VWF: variants seen among roughly 807,000 people sequenced by gnomAD.
VWF encodes von Willebrand factor.
VWF carries 176 observed loss-of-function variants against 308.6 expected under a neutral mutation model. The ratio of observed to expected loss-of-function variants is 0.57; its 90% CI spans 0.50 to 0.65. The LOEUF is 0.65. Among genes scored for constraint, VWF ranks in the 30% least tolerant of loss-of-function variants. The pLI, the probability that VWF is intolerant of heterozygous loss-of-function variation, is 0.00. For synonymous variants in VWF, 1,385 were observed against 1,443.4 expected, an observed-to-expected ratio of 0.96 and a Z score of 0.92; for missense variants, 3,146 against 3,648.2, an observed-to-expected ratio of 0.86 and a Z score of 3.55.
At chr12:6,047,642 C>A (rs1314245286) in intron 16 of VWF, among the ~76,000 whole-genome samples, 3 of 152,238 alleles carry the variant, frequency 2.0e-5, no homozygotes, top group Non-Finnish European at 4.4e-5. Flanking sequence ...TAACTGACTG[C>A]ATATTTTTAT....
At chr12:5,984,956 A>T in intron 40 of VWF, 89 bp downstream of exon 40, 1 of 1,397,632 alleles carries the variant, frequency 7.2e-7, no homozygotes, top group Non-Finnish European at 1.0e-6. Context: ...CCTGTGCCTG[A>T]GAACAGAGAC....
chr12:6,113,020 C>CCAG (rs1355755433), intron 3 of VWF, among the ~76,000 whole-genome samples: 1 of 152,086 alleles, frequency 6.6e-6, no homozygotes, highest in Non-Finnish European at 1.5e-5. Context: ...TAATGATATG[C>CCAG]CAGCAGCAGC....
At chr12:5,949,570 T>A (rs933408) in intron 51 of VWF, among the ~76,000 whole-genome samples, 5 of 152,202 alleles carry the variant, frequency 3.3e-5, no homozygotes, top group Middle Eastern at 3.4e-3. Flanking sequence ...CTGTAAAGGA[T>A]TTGCTGAGTC....
At chr12:5,986,682 A>T (rs1943683831) in intron 38 of VWF, among the ~76,000 whole-genome samples, 1 of 152,110 alleles carries the variant, frequency 6.6e-6, no homozygotes, top group South Asian at 2.1e-4. Flanking sequence ...TCACTCAATA[A>T]ATGATAGCAG....
chr12:6,082,745 T>G (rs901094706), intron 6 of VWF, among the ~76,000 whole-genome samples: 2 of 152,386 alleles, frequency 1.3e-5, no homozygotes, highest in Middle Eastern at 3.4e-3. Context: ...AGAGTCTCTC[T>G]GAGCCTGTTC....
Position 5,951,763 on chromosome 12 carries a change from G to C in VWF, c.8155+81C>G. 2.0e-6 allele frequency: 3 copies of C among 1,472,084 alleles called. No individual in the cohort carries two copies. In the South Asian group the frequency reaches 3.4e-5, roughly 17 times the overall value. 91.2% of individuals were successfully genotyped at this position (1,472,084 alleles called of 1,614,324 possible). On this transcript the variant is annotated intron_variant, in intron 50 of 51. Coordinates refer to ENST00000261405, the MANE Select transcript of VWF (RefSeq NM_000552.5). ...AGAACAGTCATGCGGCTTGCTAATG[G>C]GTTTCAAGGAGCAAGCTGCAAAGAG...
intron 42 of VWF, among the ~76,000 whole-genome samples, chr12:5,977,368 G>A (rs1395330870): frequency 6.6e-6 from 1 of 152,146 alleles, no homozygotes; most frequent in Non-Finnish European, 1.5e-5. Flanking sequence ...CAAAACTATG[G>A]TGCTGCCATG....
intron 3 of VWF, among the ~76,000 whole-genome samples, chr12:6,115,525 T>C (rs1945354223): frequency 6.6e-6 from 1 of 152,214 alleles, no homozygotes. Context: ...CCGTGTGCCA[T>C]GCACTCTGAT....
intron 42 of VWF, among the ~76,000 whole-genome samples, chr12:5,979,207 A>T (rs1444688676): frequency 6.6e-6 from 1 of 152,238 alleles, no homozygotes; most frequent in Non-Finnish European, 1.5e-5. Context: ...CTTTGTCTAA[A>T]GTAATTTTAT....
At position 5,964,171 on chromosome 12, in the gene VWF, C is replaced by G. The variant is rs575381396; in HGVS notation, c.7887+3315G>C. On this transcript the variant is annotated intron_variant, in intron 47 of 51. Transcript: ENST00000261405. The stretch of plus-strand genomic sequence containing the variant: ...GGCGGGGCTTGCAGTGAGCCGAGAT[C>G]TCACCACTGCACTCCAGCCTGGGCG... 1.1e-4 allele frequency among the ~76,000 whole-genome samples: 16 copies of G among 149,526 alleles called. No homozygotes were observed. The East Asian group carries it at 2.7e-3, about 26-fold the overall frequency.
chr12:6,095,776 CAGG>C (rs1018764693), intron 5 of VWF, 192 bp from the exon 6 acceptor site: 2 of 729,302 alleles, frequency 2.7e-6, no homozygotes, highest in African/African-American at 3.5e-5. Flanking sequence ...CTGAGCAGCA[CAGG>C]AGTTTTGACT....
chr12:6,044,543 A>C, intron 17 of VWF, 92 bp from the exon 18 acceptor site: 1 of 1,489,558 alleles, frequency 6.7e-7, no homozygotes, highest in East Asian at 2.4e-5. Context: ...GTCTGTGACT[A>C]AATTCAAGAG....
In VWF at chr12:5,955,251, T is replaced by A. The variant is rs1943234393; in HGVS notation, c.7888-1657A>T. Reference sequence around the variant, plus strand: ...TTTTATTATACTTTAAGTTTTAGGGTACATGTGCACAATGTGCAGGTTAGT... The same window carrying A: ...TTTTATTATACTTTAAGTTTTAGGGAACATGTGCACAATGTGCAGGTTAGT... On this transcript the variant is annotated intron_variant, in intron 47 of 51. Coordinates refer to ENST00000261405, the MANE Select transcript of VWF (RefSeq NM_000552.5). Among the ~76,000 whole-genome samples, 3 of 151,650 alleles carry A rather than the reference T, an allele frequency of 2.0e-5. No individual in the cohort carries two copies. The South Asian group carries it at 6.2e-4, about 32-fold the overall frequency.
intron 38 of VWF, among the ~76,000 whole-genome samples, chr12:5,986,681 A>G (rs1943683808): frequency 1.3e-5 from 2 of 152,136 alleles, no homozygotes; most frequent in South Asian, 4.1e-4. Flanking sequence ...CTCACTCAAT[A>G]AATGATAGCA....
At chr12:5,996,334 G>A (rs189804674) in intron 34 of VWF, 112 bp from the exon 35 acceptor site, 17 of 933,070 alleles carry the variant, frequency 1.8e-5, no homozygotes, top group South Asian at 8.6e-5. Flanking sequence ...AGTAGAGAAT[G>A]GAACAGGCCC....
intron 5 of VWF, among the ~76,000 whole-genome samples, chr12:6,108,326 G>GAA (rs1302926289): frequency 1.8e-5 from 1 of 54,992 alleles, no homozygotes; most frequent in Non-Finnish European, 4.8e-5. Context: ...AAGAAAGAAA[G>GAA]AAATATATAC....
chr12:6,076,884 A>G (rs1341905970), intron 6 of VWF, among the ~76,000 whole-genome samples: 2 of 152,190 alleles, frequency 1.3e-5, no homozygotes, highest in Non-Finnish European at 2.9e-5. Context: ...ACCTGACCCC[A>G]TCTGCTCACC....
chr12:6,070,328 C>T (rs1354928804), intron 10 of VWF, among the ~76,000 whole-genome samples: 1 of 152,164 alleles, frequency 6.6e-6, no homozygotes, highest in African/African-American at 2.4e-5. Flanking sequence ...TGGATGAGGT[C>T]CTGAGTCATC....
rs140912382 is a variant in VWF, at chr12:6,075,503, G to T, written c.706C>A (p.Arg236Ser). The change falls in exon 7 of 52, where the codon CGC (arginine) becomes AGC (serine). Residue 236 changes from arginine to serine, a missense_variant. Arg to Ser is a moderately radical substitution (Grantham distance 110). Coordinates refer to ENST00000261405, the MANE Select transcript of VWF (RefSeq NM_000552.5). The surrounding 1 kb of genome is among the most constrained non-coding windows in gnomAD (Gnocchi z 4.7). Reference sequence around the variant, plus strand: ...TCGGGGTCCACCAGAGGGTGGCAGCGGGCAAACACCGAGGTGCTCTTCAGA... The same window carrying T: ...TCGGGGTCCACCAGAGGGTGGCAGCTGGCAAACACCGAGGTGCTCTTCAGA... ...QLLKSTSVFA[R>S]CHPLVDPEPF... The T allele has an allele frequency of 6.2e-7, 1 of 1,614,204 alleles. No homozygotes were observed. The highest frequency in any genetic ancestry group is 8.5e-7 in the Non-Finnish European group (1 of 1,180,032).
Sources: allele counts gnomAD v4.1 joint callset (sites outside exome capture counted in the v4.1 genomes callset), GRCh38; gene constraint gnomAD v4.1.1; non-coding constraint Gnocchi (gnomAD v3.1); transcripts MANE v1.5; gene names NCBI Gene and HGNC (gene_info 2026-07-23, HGNC 2026-07-21).